CHD2: variants seen among roughly 807,000 people sequenced by gnomAD.
The protein encoded by CHD2 is chromodomain helicase DNA binding protein 2, also known as ATP-dependent chromatin remodeler CHD2.
Under a neutral mutation model 243.9 loss-of-function variants are expected in CHD2, and 28 were observed. The observed-to-expected ratio is 0.11, with a 90% CI of 0.09 to 0.16. The LOEUF is 0.16. Among genes scored for constraint, CHD2 ranks in the 10% least tolerant of loss-of-function variants. The pLI, the probability that CHD2 is intolerant of heterozygous loss-of-function variation, is 1.00. For synonymous variants in CHD2, 775 were observed against 779.0 expected (o/e 0.99, Z 0.09); for missense variants, 1,386 against 2,209.8 (o/e 0.63, Z 7.47).
intron 2 of CHD2, among the ~76,000 whole-genome samples, chr15:92,903,885 AT>A (rs550935014): frequency 6.6e-6 from 1 of 152,152 alleles, no homozygotes; most frequent in South Asian, 2.1e-4. Context: ...AAATCCTACA[AT>A]TTTCAGGGGC....
chr15:92,997,516 A>G lies in CHD2; in HGVS notation c.3885+113A>G. The G allele has an allele frequency of 1.1e-6, 1 of 952,128 alleles. No homozygotes were observed. The highest frequency in any genetic ancestry group is 1.5e-6 in the Non-Finnish European group (1 of 677,136). 59.0% of individuals were successfully genotyped at this position (952,128 alleles called of 1,614,324 possible). A position where few individuals can be genotyped will look rare whatever the true frequency, so the allele number is the denominator to read the frequency against. Reference sequence around the variant, plus strand: ...GGGGCATCAAATTAGAAATTAGTATAGTCATTCTTGGAAATACTTCCATCT... The same window carrying G: ...GGGGCATCAAATTAGAAATTAGTATGGTCATTCTTGGAAATACTTCCATCT... On this transcript the variant is annotated intron_variant, in intron 30 of 38. Coordinates refer to ENST00000394196, the MANE Select transcript of CHD2 (RefSeq NM_001271.4). The surrounding 1 kb of genome is among the most constrained non-coding windows in gnomAD (Gnocchi z 4.1).
intron 2 of CHD2, among the ~76,000 whole-genome samples, chr15:92,912,390 T>C (rs1338731294): frequency 6.6e-6 from 1 of 152,226 alleles, no homozygotes; most frequent in Admixed American, 6.5e-5. Context: ...GGAGTCTCGC[T>C]CTGTCGCCTG....
intron 2 of CHD2, among the ~76,000 whole-genome samples, chr15:92,916,119 C>G (rs916654794): frequency 6.6e-6 from 1 of 152,232 alleles, no homozygotes; most frequent in Admixed American, 6.5e-5. Context: ...GCCCCCTCCC[C>G]TGCTTCCAGT....
chr15:92,990,327 C>T (rs1010239459), intron 26 of CHD2, among the ~76,000 whole-genome samples: 2 of 152,136 alleles, frequency 1.3e-5, no homozygotes, highest in Non-Finnish European at 2.9e-5. Flanking sequence ...GGGAATAGTG[C>T]AAGTTAAAAA....
chr15:92,958,352 A>G (rs2053642823), intron 16 of CHD2, among the ~76,000 whole-genome samples: 2 of 152,210 alleles, frequency 1.3e-5, no homozygotes, highest in Non-Finnish European at 2.9e-5. Context: ...ATGACTAATG[A>G]TGTTGAACGT....
chr15:92,961,289 A>T (rs1567142838), intron 16 of CHD2, among the ~76,000 whole-genome samples: 3 of 151,994 alleles, frequency 2.0e-5, no homozygotes, highest in Non-Finnish European at 2.9e-5. Flanking sequence ...TAAGTTTTCT[A>T]TTCTTCTTGA....
In CHD2 at chr15:92,932,669, G is replaced by A. The variant is rs1254044157; in HGVS notation, c.443+3578G>A. ...TTTCACAGCCTTCTTTTGCTTTTAG[G>A]ACATTGATGTTTTTGAAGAATGCAG... On this transcript the variant is annotated intron_variant, in intron 5 of 38. Transcript: ENST00000394196. Among the ~76,000 whole-genome samples the A allele has an allele frequency of 3.8e-4, 58 of 152,008 alleles. 1 individual carries two copies. Among genetic ancestry groups the A allele is most frequent in the Admixed American group, 3.8e-3 (58 of 15,262 alleles).
intron 13 of CHD2, among the ~76,000 whole-genome samples, chr15:92,951,131 T>G (rs2053548672): frequency 6.6e-6 from 1 of 152,138 alleles, no homozygotes; most frequent in South Asian, 2.1e-4. Flanking sequence ...AGTCACATGG[T>G]GTTTTGTGTA....
intron 24 of CHD2, among the ~76,000 whole-genome samples, chr15:92,982,903 C>T (rs115020272): frequency 1.6e-3 from 245 of 152,182 alleles, no homozygotes; most frequent in African/African-American, 5.7e-3. Flanking sequence ...AGTAAAATAC[C>T]GTAGACTGGG....
At chr15:93,020,377 T>A in intron 38 of CHD2, 119 bp downstream of exon 38, 1 of 1,277,156 alleles carries the variant, frequency 7.8e-7, no homozygotes, top group Non-Finnish European at 1.1e-6. Flanking sequence ...TCATCATGCA[T>A]GTGTCAGCCA....
intron 24 of CHD2, among the ~76,000 whole-genome samples, chr15:92,983,912 C>T (rs1315702239): frequency 6.6e-6 from 1 of 152,086 alleles, no homozygotes; most frequent in African/African-American, 2.4e-5. Context: ...TTGAGTTATG[C>T]ATTGTTTCAA....
chr15:92,911,978 C>G (rs1048978646), intron 2 of CHD2, among the ~76,000 whole-genome samples: 2 of 152,060 alleles, frequency 1.3e-5, no homozygotes, highest in Non-Finnish European at 2.9e-5. Flanking sequence ...AAATGTTGCC[C>G]TGAAGTGATG....
At position 92,901,493 on chromosome 15, in the gene CHD2, G is replaced by C. The variant is rs1280614473; in HGVS notation, c.62+194G>C. On this transcript the variant is annotated intron_variant, in intron 2 of 38. Coordinates refer to ENST00000394196, the MANE Select transcript of CHD2 (RefSeq NM_001271.4). ...AATTTTTTGGTAGCAATTTATGAAA[G>C]TTGAGTTGTGACTTAAGGCCTCTTA... 5 of 600,970 alleles carry C rather than the reference G, an allele frequency of 8.3e-6. No homozygotes were observed. The African/African-American group carries it at 9.4e-5, about 11-fold the overall frequency. The allele number at this position is 600,970 out of a possible 1,614,324, so 37.2% of individuals were successfully genotyped here.
intron 37 of CHD2, among the ~76,000 whole-genome samples, chr15:93,017,720 C>T (rs1278487879): frequency 6.6e-6 from 1 of 152,036 alleles, no homozygotes; most frequent in African/African-American, 2.4e-5. Flanking sequence ...GCTACCCTGC[C>T]TGGAAGCATT....
intron 5 of CHD2, among the ~76,000 whole-genome samples, chr15:92,936,930 C>T (rs1412360860): frequency 6.6e-6 from 1 of 152,090 alleles, no homozygotes; most frequent in Non-Finnish European, 1.5e-5. Flanking sequence ...CAGCTGACTG[C>T]AACCTCAAAC....
chr15:92,909,363 A>G (rs2052685356), intron 2 of CHD2, among the ~76,000 whole-genome samples: 1 of 152,274 alleles, frequency 6.6e-6, no homozygotes, highest in African/African-American at 2.4e-5. Flanking sequence ...ATTGTGACCG[A>G]CATTGAAAAA....
In CHD2 at chr15:92,993,031, A is replaced by G. The variant is rs775392020; in HGVS notation, c.3595+33A>G. 4 of 1,610,636 alleles carry G rather than the reference A, an allele frequency of 2.5e-6. No homozygotes were observed. The African/African-American group carries it at 4.0e-5, about 16-fold the overall frequency. Reference sequence around the variant, plus strand: ...AAGTTGGCTTTAGTGAGTCTTCGCAACCTGGCACTCTTGGACTGGATTTCT... The same window carrying G: ...AAGTTGGCTTTAGTGAGTCTTCGCAGCCTGGCACTCTTGGACTGGATTTCT... On this transcript the variant is annotated intron_variant, in intron 28 of 38. Coordinates refer to ENST00000394196, the MANE Select transcript of CHD2 (RefSeq NM_001271.4).
chr15:92,962,818 G>T (rs567831145), intron 16 of CHD2, among the ~76,000 whole-genome samples: 6 of 152,114 alleles, frequency 3.9e-5, no homozygotes, highest in African/African-American at 7.2e-5. Flanking sequence ...GTTCTGTTAG[G>T]TATGTATCCA....
intron 2 of CHD2, among the ~76,000 whole-genome samples, chr15:92,905,928 A>G (rs191181385): frequency 1.3e-5 from 2 of 152,322 alleles, no homozygotes; most frequent in Admixed American, 1.3e-4. Context: ...CTGAATTCTA[A>G]TTAGTTGTGT....
Sources: gnomAD v4.1 joint callset for allele counts (sites outside exome capture counted in the v4.1 genomes callset) on GRCh38, gnomAD v4.1.1 for gene constraint, Gnocchi (gnomAD v3.1) non-coding constraint, MANE v1.5 for transcripts, NCBI Gene and HGNC (gene_info 2026-07-23, HGNC 2026-07-21) for gene names.